Variants in RBP3 observed in about 807,000 individuals in gnomAD.
The protein encoded by RBP3 is retinol binding protein 3.
In RBP3, 50 loss-of-function variants were observed where a neutral mutation model predicts 64.8. The observed-to-expected ratio is 0.77, with a 90% confidence interval of 0.61 to 0.98. RBP3 has a LOEUF of 0.98. Ranked by LOEUF, RBP3 falls within the 50% of genes least tolerant of loss-of-function variation. The pLI is 0.00. For missense variants in RBP3, 1,712 were observed against 1,660.5 expected (o/e 1.03, Z -0.54); for synonymous variants, 828 against 730.2 (o/e 1.13, Z -2.16).
Position 47,353,373 on chromosome 10 carries a change from A to G in RBP3, c.3103A>G (p.Thr1035Ala). The G allele has an allele frequency of 3.7e-6, 6 of 1,614,072 alleles. No homozygotes were observed. The highest frequency in any genetic ancestry group is 5.1e-6 in the Non-Finnish European group (6 of 1,180,026). ...AGAGCTGATCAAGTTTTCCTTCCAC[A>G]CTAACGTGCTTGAGGACAACATTGG... ...FEELIKFSFHTNVLEDNIGYL... is the reference protein window; with the variant it reads ...FEELIKFSFHANVLEDNIGYL... The change falls in exon 2 of 4, where the codon ACT becomes GCT. Residue 1035 changes from threonine to alanine, a missense_variant. Coordinates refer to ENST00000584701, the MANE Select transcript of RBP3 (RefSeq NM_002900.3).
rs1555211794 is a variant in RBP3, at chr10:47,353,464, A to T, written c.3194A>T (p.Glu1065Val). The change falls in exon 2 of 4, where the codon GAG (glutamate) becomes GTG (valine). Residue 1065 changes from glutamate (E) to valine (V), a missense_variant. Physicochemically the swap from Glu to Val is moderately radical, Grantham distance 121. Transcript: ENST00000584701. ...LLTQVSRLLVEHIWKKIMHTD... is the reference protein window; with the variant it reads ...LLTQVSRLLVVHIWKKIMHTD... Reference sequence around the variant, plus strand: ...ACCCAGGTCTCCAGGCTGCTGGTGGAGCACATCTGGAAGAAGATCATGCAC... The same window carrying T: ...ACCCAGGTCTCCAGGCTGCTGGTGGTGCACATCTGGAAGAAGATCATGCAC... 6.2e-7 allele frequency: 1 copy of T among 1,614,148 alleles called. No homozygotes were observed. Among genetic ancestry groups the T allele is most frequent in the Admixed American group, 1.7e-5 (1 of 60,028 alleles).
chr10:47,352,312 G>C (rs1836986683), intron 1 of RBP3, among the ~76,000 whole-genome samples: 2 of 152,214 alleles, frequency 1.3e-5, no homozygotes, highest in African/African-American at 4.8e-5. Flanking sequence ...AGTGGTTCCT[G>C]TCCCGCATTG....
At chr10:47,354,865 G>T (rs1222278815) in intron 2 of RBP3, among the ~76,000 whole-genome samples, 1 of 152,112 alleles carries the variant, frequency 6.6e-6, no homozygotes, top group East Asian at 1.9e-4. Flanking sequence ...AGAAATACAG[G>T]CTCCCCTGCT....
chr10:47,349,324 G>T lies in RBP3; in HGVS notation c.840G>T (p.Val280=). 6.2e-7 allele frequency: 1 copy of T among 1,612,706 alleles called. No homozygotes were observed. Reference sequence around the variant, plus strand: ...GCGAGTCTGACTTCTTCTTCACGGTGCCCGTGTCCAGGTCCCTGGGGCCCC... The same window carrying T: ...GCGAGTCTGACTTCTTCTTCACGGTTCCCGTGTCCAGGTCCCTGGGGCCCC... ...RIGESDFFFT[V]PVSRSLGPLG... The change falls in exon 1 of 4, where the codon GTG becomes GTT. Residue 280 remains valine (V), a synonymous_variant. Transcript: ENST00000584701.
At chr10:47,355,007 G>A (rs1837026339) in intron 2 of RBP3, among the ~76,000 whole-genome samples, 1 of 152,208 alleles carries the variant, frequency 6.6e-6, no homozygotes, top group Admixed American at 6.5e-5. Flanking sequence ...TTCCCAAAAT[G>A]TGTTCCACTC....
At chr10:47,354,403 G>T (rs1323417980) in intron 2 of RBP3, among the ~76,000 whole-genome samples, 1 of 152,140 alleles carries the variant, frequency 6.6e-6, no homozygotes, top group African/African-American at 2.4e-5. Context: ...AGCCCTCAGC[G>T]CTCACTCACA....
At position 47,350,879 on chromosome 10, in the gene RBP3, T is replaced by C. The variant is rs1836959233; in HGVS notation, c.2395T>C (p.Tyr799His). 6.2e-7 allele frequency: 1 copy of C among 1,612,628 alleles called. No individual in the cohort carries two copies. Among genetic ancestry groups the C allele is most frequent in the Admixed American group, 1.7e-5 (1 of 59,954 alleles). The change falls in exon 1 of 4, where the codon TAC becomes CAC. Residue 799 changes from tyrosine (Y) to histidine (H), a missense_variant. Tyr to His is a moderately conservative substitution (Grantham distance 83). Coordinates refer to ENST00000584701, the MANE Select transcript of RBP3 (RefSeq NM_002900.3). ...CACGGCCATCCCGCTGCTCTGCTCC[T>C]ACTTCTTTGAGGCAGAGCCCCGCCA... is the stretch of plus-strand genomic sequence containing the variant. ...YSTAIPLLCSYFFEAEPRQHL... is the reference protein window; with the variant it reads ...YSTAIPLLCSHFFEAEPRQHL...
Position 47,349,451 on chromosome 10 carries a change from C to A in RBP3, c.967C>A (p.Arg323Ser). Residue 323 changes from arginine to serine, a missense_variant, in exon 1 of 4, where the codon CGC (arginine) becomes AGC (serine). Arg to Ser is a moderately radical substitution (Grantham distance 110). Transcript: ENST00000584701. ...GAAAGCCCTGGCCATCCTCACTCTGCGCAGCGCCCTTCCAGGGGTAGTCCA... is the reference window on the plus strand; with the variant it reads ...GAAAGCCCTGGCCATCCTCACTCTGAGCAGCGCCCTTCCAGGGGTAGTCCA... Reference protein sequence around the residue: ...LEKALAILTLRSALPGVVHCL... With the variant: ...LEKALAILTLSSALPGVVHCL... 6.2e-7 allele frequency: 1 copy of A among 1,612,552 alleles called. No homozygotes were observed.
rs1555211280 is a variant in RBP3, at chr10:47,350,154, A to T, written c.1670A>T (p.Gln557Leu). The change falls in exon 1 of 4, where the codon CAG (glutamine) becomes CTG (leucine). Residue 557 changes from glutamine (Q) to leucine (L), a missense_variant. By Grantham distance (113) the Gln-to-Leu change is moderately radical (BLOSUM62 -2). Coordinates refer to ENST00000584701, the MANE Select transcript of RBP3 (RefSeq NM_002900.3). The stretch of plus-strand genomic sequence containing the variant: ...GCGGAGGAGTTCGCCTTCCTTATGC[A>T]GTCGCTGGGCTGGGCCACACTGGTA... ...TAAEEFAFLM[Q>L]SLGWATLVGE... The T allele has an allele frequency of 6.2e-7, 1 of 1,612,586 alleles. No homozygotes were observed. Among genetic ancestry groups the T allele is most frequent in the African/African-American group, 1.3e-5 (1 of 74,936 alleles).
intron 3 of RBP3, among the ~76,000 whole-genome samples, chr10:47,355,737 T>G (rs138640376): frequency 1.3e-5 from 2 of 152,312 alleles, no homozygotes; most frequent in Non-Finnish European, 2.9e-5. Context: ...AGGTCAAATA[T>G]CTTTTCTAGG....
intron 2 of RBP3, among the ~76,000 whole-genome samples, chr10:47,354,061 T>G (rs1375631899): frequency 1.3e-5 from 2 of 152,216 alleles, no homozygotes; most frequent in East Asian, 3.8e-4. Context: ...AATTTAGAAG[T>G]TAATCACTAT....
intron 1 of RBP3, 143 bp from the exon 2 acceptor site, chr10:47,353,181 TG>T: frequency 1.4e-6 from 1 of 738,222 alleles, no homozygotes; most frequent in Non-Finnish European, 2.3e-6. Context: ...GACATGCCAC[TG>T]GGAAAGTCCC....
Position 47,350,254 on chromosome 10 carries a change from G to A in RBP3, c.1770G>A (p.Ala590=), listed in dbSNP as rs782309677. ...TGGACACACCCGAAGGCAGCCTCGC[G>A]CTCACCGTGCCGGTCCTCACCTTCA... The part of the protein sequence containing the change: ...PLLDTPEGSL[A]LTVPVLTFID... The change falls in exon 1 of 4, where the codon GCG becomes GCA. Residue 590 remains alanine, a synonymous_variant. Coordinates refer to ENST00000584701, the MANE Select transcript of RBP3 (RefSeq NM_002900.3). 47 of 1,607,360 alleles carry A rather than the reference G, an allele frequency of 2.9e-5. 1 individual carries two copies. The highest frequency in any genetic ancestry group is 1.1e-4 in the East Asian group (5 of 44,882).
In RBP3 at chr10:47,355,418, C is replaced by T. The variant is rs1837032776; in HGVS notation, c.3288C>T (p.Cys1096=). The change falls in exon 3 of 4, where the codon TGC becomes TGT. Residue 1096 remains cysteine (C), a synonymous_variant. Transcript: ENST00000584701. ...GGPTSSIPIL[C]SYFFDEGPPV... The stretch of plus-strand genomic sequence containing the variant: ...CCACATCCTCCATTCCCATCTTGTG[C>T]TCCTACTTCTTTGATGAAGGCCCTC... 5 of 1,614,172 alleles carry T rather than the reference C, an allele frequency of 3.1e-6. No homozygotes were observed. Among genetic ancestry groups the T allele is most frequent in the Non-Finnish European group, 4.2e-6 (5 of 1,180,036 alleles).
Position 47,349,153 on chromosome 10 carries a change from C to T in RBP3, c.669C>T (p.Ala223=), listed in dbSNP as rs560704696. The T allele has an allele frequency of 1.4e-5, 23 of 1,613,806 alleles. No individual in the cohort carries two copies. In the African/African-American group the frequency reaches 2.0e-4, roughly 14 times the overall value. Residue 223 remains alanine (A), a synonymous_variant, in exon 1 of 4, where the codon GCC becomes GCT. Coordinates refer to ENST00000584701, the MANE Select transcript of RBP3 (RefSeq NM_002900.3). ...LPQVLGERYG[A]DKDVVVLTSS... Reference sequence around the variant, plus strand: ...AGGTCCTGGGAGAAAGGTACGGTGCCGACAAGGATGTGGTGGTCCTCACCA... The same window carrying T: ...AGGTCCTGGGAGAAAGGTACGGTGCTGACAAGGATGTGGTGGTCCTCACCA...
Position 47,352,393 on chromosome 10 carries a change from G to C in RBP3, c.3054+855G>C, listed in dbSNP as rs3781223. On this transcript the variant is annotated intron_variant, in intron 1 of 3. Coordinates refer to ENST00000584701, the MANE Select transcript of RBP3 (RefSeq NM_002900.3). ...TCTTCTTGGAGAAGGCCTGAGCTAC[G>C]GGTGGAAAGGCAGGGCTGTGCTATA... Among the ~76,000 whole-genome samples the C allele has an allele frequency of 3.4e-3, 511 of 152,350 alleles. 12 individuals are homozygous for C. In the East Asian group the frequency reaches 0.051, roughly 15 times the overall value.
Position 47,350,281 on chromosome 10 carries a change from C to T in RBP3, c.1797C>T (p.Ile599=), listed in dbSNP as rs782706045. ...TCACCGTGCCGGTCCTCACCTTCAT[C>T]GACAATCACGGCGAGGCCTGGCTGG... ...LALTVPVLTF[I]DNHGEAWLGG... is the part of the protein sequence containing the mutation. Residue 599 remains isoleucine, a synonymous_variant, in exon 1 of 4, where the codon ATC becomes ATT. Coordinates refer to ENST00000584701, the MANE Select transcript of RBP3 (RefSeq NM_002900.3). 5.0e-6 allele frequency: 8 copies of T among 1,608,462 alleles called. 1 individual carries two copies. The highest frequency in any genetic ancestry group is 2.2e-5 in the South Asian group (2 of 91,082).
intron 3 of RBP3, among the ~76,000 whole-genome samples, chr10:47,356,386 A>G (rs1032927868): frequency 1.5e-4 from 23 of 152,314 alleles, no homozygotes; most frequent in African/African-American, 5.1e-4. Context: ...GCAAGGTCCA[A>G]TATGGGAGCC....
In RBP3 at chr10:47,349,202, G is replaced by C; in HGVS notation, c.718G>C (p.Glu240Gln). The C allele has an allele frequency of 6.2e-7, 1 of 1,613,610 alleles. No homozygotes were observed. The highest frequency in any genetic ancestry group is 8.5e-7 in the Non-Finnish European group (1 of 1,180,032). ...CAGCAGCCAGACCAGGGGCGTGGCC[G>C]AGGACATCGCGCACATCCTTAAGCA... ...LTSSQTRGVA[E>Q]DIAHILKQMR... Residue 240 changes from glutamate to glutamine, a missense_variant, in exon 1 of 4, where the codon GAG (glutamate) becomes CAG (glutamine). Coordinates refer to ENST00000584701, the MANE Select transcript of RBP3 (RefSeq NM_002900.3).
Sources: gnomAD v4.1 joint callset for allele counts (sites outside exome capture counted in the v4.1 genomes callset) on GRCh38, gnomAD v4.1.1 for gene constraint, MANE v1.5 for transcripts, NCBI Gene and HGNC (gene_info 2026-07-23, HGNC 2026-07-21) for gene names.